Variants in PLCL2 observed in about 807,000 individuals in gnomAD.
PLCL2 encodes the protein inactive phospholipase C-like protein 2.
PLCL2 carries 4 observed loss-of-function variants against 79.6 expected under a neutral mutation model. The observed-to-expected ratio is 0.05, with a 90% CI of 0.02 to 0.11. The LOEUF is 0.11. Ranked by LOEUF, PLCL2 falls within the 10% of genes least tolerant of loss-of-function variation. The probability of loss-of-function intolerance (pLI) is 1.00; values close to 1 mark genes in which losing one functional copy is unlikely to be tolerated. For synonymous variants in PLCL2, 484 were observed against 457.7 expected, an observed-to-expected ratio of 1.06 and a Z score of -0.73; for missense variants, 895 against 1,291.0, an observed-to-expected ratio of 0.69 and a Z score of 4.70.
intron 1 of PLCL2, among the ~76,000 whole-genome samples, chr3:16,919,192 T>C (rs1697066085): frequency 6.6e-6 from 1 of 152,186 alleles, no homozygotes; most frequent in East Asian, 1.9e-4. Flanking sequence ...CTGAAACTTG[T>C]TCTTCTGAGT....
At position 16,890,790 on chromosome 3, in the gene PLCL2, C is replaced by G. The variant is rs181524015; in HGVS notation, c.327+5424C>G. 1.3e-4 allele frequency among the ~76,000 whole-genome samples: 20 copies of G among 152,336 alleles called. No individual in the cohort carries two copies. The East Asian group carries it at 3.9e-3, about 29-fold the overall frequency. ...GGTAAATTGAGAGGGTTGTGCTTAG[C>G]ATGAGTGTCGTTTGTGACTCAAACT... On this transcript the variant is annotated intron_variant, in intron 1 of 5. Transcript: ENST00000615277.
chr3:17,055,328 C>G (rs924652379), intron 4 of PLCL2, among the ~76,000 whole-genome samples: 12 of 152,128 alleles, frequency 7.9e-5, no homozygotes, highest in African/African-American at 2.9e-4. Context: ...TAGCAAGGTC[C>G]TCAGTGGCCT....
At chr3:16,966,070 G>A (rs1489021098) in intron 1 of PLCL2, among the ~76,000 whole-genome samples, 2 of 152,012 alleles carry the variant, frequency 1.3e-5, no homozygotes, top group African/African-American at 4.8e-5. Context: ...TAGGAGTGGT[G>A]AGAGAGGGCA....
At chr3:17,026,287 T>G (rs1008736884) in intron 3 of PLCL2, among the ~76,000 whole-genome samples, 3 of 152,212 alleles carry the variant, frequency 2.0e-5, no homozygotes, top group Admixed American at 1.3e-4. Context: ...CAAGTTTAAC[T>G]CTACAAGCTT....
In PLCL2 at chr3:17,090,300, A is replaced by AT; in HGVS notation, c.*393dup. On this transcript the variant is annotated 3_prime_UTR_variant, in exon 6 of 6. Transcript: ENST00000615277. Reference sequence around the variant, plus strand: ...TTGGAGAAAAAAACCTGATCTACACATTTTTACTTATATGGGGTTGCCAGA... The same window carrying AT: ...TTGGAGAAAAAAACCTGATCTACACATTTTTTACTTATATGGGGTTGCCAGA... 1 of 962,834 alleles carries AT rather than the reference A, an allele frequency of 1.0e-6. No homozygotes were observed. The highest frequency in any genetic ancestry group is 1.2e-6 in the Non-Finnish European group (1 of 808,814). 59.6% of individuals were successfully genotyped at this position (962,834 alleles called of 1,614,324 possible).
chr3:16,917,391 A>G (rs1014882051), intron 1 of PLCL2, among the ~76,000 whole-genome samples: 3 of 152,216 alleles, frequency 2.0e-5, no homozygotes, highest in African/African-American at 4.8e-5. Flanking sequence ...TAGAACAGTG[A>G]CCATTTTATT....
chr3:17,033,935 G>A (rs1205516356), intron 3 of PLCL2, among the ~76,000 whole-genome samples: 1 of 152,044 alleles, frequency 6.6e-6, no homozygotes, highest in Non-Finnish European at 1.5e-5. Context: ...TTCCTTATAA[G>A]CCCTGTGGTT....
chr3:17,035,880 A>G, intron 3 of PLCL2: 1 of 470,624 alleles, frequency 2.1e-6, no homozygotes, highest in East Asian at 7.1e-5. Context: ...GCACCCAAAT[A>G]TGCTCCTCTG....
At chr3:16,995,646 A>G (rs532718328) in intron 1 of PLCL2, among the ~76,000 whole-genome samples, 1 of 152,308 alleles carries the variant, frequency 6.6e-6, no homozygotes, top group East Asian at 1.9e-4. Context: ...AACCATTTTG[A>G]TTTTAGCACT....
chr3:16,911,658 C>T (rs1246816831), intron 1 of PLCL2, among the ~76,000 whole-genome samples: 1 of 152,160 alleles, frequency 6.6e-6, no homozygotes, highest in Non-Finnish European at 1.5e-5. Context: ...GCAGTCACAA[C>T]TCAAATGGTG....
At position 17,080,858 on chromosome 3, in the gene PLCL2, T is replaced by C. The variant is rs1023421689; in HGVS notation, c.3205-8875T>C. Among the ~76,000 whole-genome samples the C allele has an allele frequency of 2.6e-5, 4 of 152,260 alleles. No homozygotes were observed. The East Asian group carries it at 7.7e-4, about 29-fold the overall frequency. On this transcript the variant is annotated intron_variant, in intron 5 of 5. Transcript: ENST00000615277. ...AGTGAATTGTCTACACAGTTGTTGA[T>C]GTGCTGGATACATGAAAAATGTAGT...
intron 1 of PLCL2, among the ~76,000 whole-genome samples, chr3:16,929,123 GC>G (rs758586871): frequency 0.99 from 149,455 of 151,688 alleles, 73,611 homozygotes; most frequent in Middle Eastern, 1. Flanking sequence ...GAGGATACCT[GC>G]GCAGAAATGA....
intron 1 of PLCL2, among the ~76,000 whole-genome samples, chr3:16,898,208 C>A (rs1696529379): frequency 6.6e-6 from 1 of 152,296 alleles, no homozygotes; most frequent in Admixed American, 6.5e-5. Flanking sequence ...ATTGTTAACA[C>A]ATATACCTTT....
intron 1 of PLCL2, among the ~76,000 whole-genome samples, chr3:16,946,576 T>C (rs1029643683): frequency 1.3e-5 from 2 of 152,166 alleles, no homozygotes; most frequent in Admixed American, 6.5e-5. Context: ...ATATTACAGT[T>C]TTTATGGGAG....
chr3:17,062,985 C>T (rs2064967448), intron 4 of PLCL2, among the ~76,000 whole-genome samples: 1 of 151,880 alleles, frequency 6.6e-6, no homozygotes, highest in Admixed American at 6.6e-5. Context: ...TTCCATAGGT[C>T]CAGCAGGCAA....
At position 17,009,810 on chromosome 3, in the gene PLCL2, A is replaced by C. The variant is rs749373345; in HGVS notation, c.464A>C (p.Asn155Thr). 2 of 1,613,870 alleles carry C rather than the reference A, an allele frequency of 1.2e-6. No homozygotes were observed. The highest frequency in any genetic ancestry group is 1.7e-6 in the Non-Finnish European group (2 of 1,179,786). Residue 155 changes from asparagine (N) to threonine (T), a missense_variant, in exon 2 of 6, where the codon AAC becomes ACC. By Grantham distance (65) the Asn-to-Thr change is moderately conservative. Coordinates refer to ENST00000615277, the MANE Select transcript of PLCL2 (RefSeq NM_001144382.2). The surrounding 1 kb of genome is among the most constrained non-coding windows in gnomAD (Gnocchi z 4.0). The stretch of plus-strand genomic sequence containing the variant: ...TCAGAACTCAAAAAGGTTCGCTCCA[A>C]CTCTAGAATTTATCATAGGTACTTT... ...EGSELKKVRS[N>T]SRIYHRYFLL...
intron 5 of PLCL2, 121 bp downstream of exon 5, chr3:17,068,186 C>T (rs913206833): frequency 3.3e-6 from 2 of 612,968 alleles, no homozygotes; most frequent in African/African-American, 3.7e-5. Context: ...AGAATGGATG[C>T]AGAAATCACA....
At chr3:16,947,260 T>A (rs2063611872) in intron 1 of PLCL2, among the ~76,000 whole-genome samples, 1 of 152,160 alleles carries the variant, frequency 6.6e-6, no homozygotes, top group Non-Finnish European at 1.5e-5. Flanking sequence ...AAAGTTTTAT[T>A]CTTATGAGTC....
chr3:16,946,302 G>A (rs187800144), intron 1 of PLCL2, among the ~76,000 whole-genome samples: 11 of 152,038 alleles, frequency 7.2e-5, no homozygotes, highest in South Asian at 2.1e-4. Context: ...CGGACGCTTC[G>A]GAATTCCACA....
Sources: allele counts gnomAD v4.1 joint callset (sites outside exome capture counted in the v4.1 genomes callset), GRCh38; gene constraint gnomAD v4.1.1; non-coding constraint Gnocchi (gnomAD v3.1); transcripts MANE v1.5; gene names NCBI Gene and HGNC (gene_info 2026-07-23, HGNC 2026-07-21).